The following ZDHHC21 variants were observed in gnomAD, a reference collection of about 807,000 sequenced individuals.
ZDHHC21 encodes the protein zDHHC palmitoyltransferase 21.
Under a neutral mutation model 34.6 loss-of-function variants are expected in ZDHHC21, and 15 were observed. That is an observed-to-expected ratio of 0.43 (90% CI 0.29 to 0.67). ZDHHC21 has a LOEUF of 0.67. Ranked by LOEUF, ZDHHC21 falls within the 30% of genes least tolerant of loss-of-function variation. The probability of loss-of-function intolerance (pLI) is 0.14; values close to 1 mark genes in which losing one functional copy is unlikely to be tolerated. For missense variants in ZDHHC21, 344 were observed against 327.7 expected (o/e 1.05, Z -0.38); for synonymous variants, 142 against 101.8 (o/e 1.40, Z -2.38).
At chr9:14,674,065 T>C (rs1286615053) in intron 4 of ZDHHC21, 122 bp downstream of exon 4, 2 of 529,988 alleles carry the variant, frequency 3.8e-6, no homozygotes, top group Non-Finnish European at 6.1e-6. Flanking sequence ...TAACTGAATA[T>C]TGACAGCACT....
chr9:14,688,226 G>C (rs1032711502), intron 2 of ZDHHC21, among the ~76,000 whole-genome samples: 4 of 150,824 alleles, frequency 2.7e-5, no homozygotes, highest in Non-Finnish European at 4.4e-5. Context: ...CTGTAAAATG[G>C]AGATAAAAAT....
chr9:14,672,032 T>C (rs1835551854), intron 5 of ZDHHC21, among the ~76,000 whole-genome samples: 2 of 152,156 alleles, frequency 1.3e-5, no homozygotes, highest in Non-Finnish European at 2.9e-5. Context: ...AATCTTCTCA[T>C]GGGAAAATGG....
downstream of ZDHHC21, among the ~76,000 whole-genome samples, chr9:14,609,954 G>A (rs1368685211): frequency 1.3e-5 from 2 of 152,032 alleles, no homozygotes; most frequent in Admixed American, 6.6e-5. Context: ...GGTCTAATGC[G>A]AAGCAGTATG....
At chr9:14,638,296 T>C (rs1253631039) in intron 8 of ZDHHC21, among the ~76,000 whole-genome samples, 2 of 151,998 alleles carry the variant, frequency 1.3e-5, no homozygotes, top group South Asian at 2.1e-4. Flanking sequence ...AAACAGTCTT[T>C]TGAATACATG....
chr9:14,664,020 T>A (rs750488273), intron 5 of ZDHHC21, among the ~76,000 whole-genome samples: 74 of 152,134 alleles, frequency 4.9e-4, no homozygotes, highest in Non-Finnish European at 9.3e-4. Context: ...GATGGCCGAA[T>A]AGGAACAGCT....
chr9:14,647,811 CTCTTT>C (rs1334748653), intron 7 of ZDHHC21, among the ~76,000 whole-genome samples: 1 of 152,108 alleles, frequency 6.6e-6, no homozygotes, highest in African/African-American at 2.4e-5. Flanking sequence ...GTCTTCAGAA[CTCTTT>C]TCTTTTCTAT....
At chr9:14,591,348 G>C in the ZDHHC21 span, among the ~76,000 whole-genome samples, 7 of 152,180 alleles carry the variant, frequency 4.6e-5, no homozygotes, top group African/African-American at 1.7e-4. Flanking sequence ...TTAGAGGATT[G>C]AGGGAGTAAA....
In ZDHHC21 at chr9:14,674,309, G is replaced by T; in HGVS notation, c.32C>A (p.Pro11Gln). 1 of 1,595,182 alleles carries T rather than the reference G, an allele frequency of 6.3e-7. No individual in the cohort carries two copies. The highest frequency in any genetic ancestry group is 1.2e-5 in the South Asian group (1 of 86,764). Residue 11 changes from proline (P) to glutamine (Q), a missense_variant, in exon 4 of 10, where the codon CCA becomes CAA. Coordinates refer to ENST00000380916, the MANE Select transcript of ZDHHC21 (RefSeq NM_178566.6). ...CAAACCCATGCAGCACCAACCATGT[G>T]GGTCAACAACAAAGTGAATCCGGAG... MGLRIHFVVDPHGWCCMGLIV... is the reference protein window; with the variant it reads MGLRIHFVVDQHGWCCMGLIV...
At chr9:14,664,157 G>A (rs1191495978) in intron 5 of ZDHHC21, among the ~76,000 whole-genome samples, 5 of 152,104 alleles carry the variant, frequency 3.3e-5, no homozygotes, top group African/African-American at 7.2e-5. Flanking sequence ...TGCGCGCACC[G>A]TGCGCGAGCC....
Position 14,693,364 on chromosome 9 carries a change from G to A in ZDHHC21, c.-360C>T, listed in dbSNP as rs1176982814. Reference sequence around the variant, plus strand: ...GGCCGCTCTCCCCTTCCGCTTCCGGGAGCCTGAGGGCCTGGACCGGCCGAG... The same window carrying A: ...GGCCGCTCTCCCCTTCCGCTTCCGGAAGCCTGAGGGCCTGGACCGGCCGAG... On this transcript the variant is annotated 5_prime_UTR_variant, in exon 1 of 10. Coordinates refer to ENST00000380916, the MANE Select transcript of ZDHHC21 (RefSeq NM_178566.6). 3 of 400,368 alleles carry A rather than the reference G, an allele frequency of 7.5e-6. No homozygotes were observed. The highest frequency in any genetic ancestry group is 1.5e-5 in the Non-Finnish European group (3 of 204,142). 24.8% of individuals were successfully genotyped at this position (400,368 alleles called of 1,614,324 possible). A position where few individuals can be genotyped will look rare whatever the true frequency, so the allele number is the denominator to read the frequency against.
chr9:14,593,842 A>C, the ZDHHC21 span: 1 of 152,618 alleles, frequency 6.6e-6, no homozygotes, highest in Admixed American at 6.5e-5. Context: ...GGTGAAGGGC[A>C]AGTGCTTCTA....
rs1376319120 is a variant in ZDHHC21, at chr9:14,693,288, C to T, written c.-284G>A. ...CTCCCGACCGCCAGCAGCTCTTTCC[C>T]CTCCTCCTGCCGCGCCACCTCCGCC... is the stretch of plus-strand genomic sequence containing the variant. On this transcript the variant is annotated 5_prime_UTR_variant, in exon 1 of 10. Coordinates refer to ENST00000380916, the MANE Select transcript of ZDHHC21 (RefSeq NM_178566.6). 1 of 419,422 alleles carries T rather than the reference C, an allele frequency of 2.4e-6. No individual in the cohort carries two copies. Among genetic ancestry groups the T allele is most frequent in the Non-Finnish European group, 4.7e-6 (1 of 212,690 alleles). 26.0% of individuals were successfully genotyped at this position (419,422 alleles called of 1,614,324 possible). A position where few individuals can be genotyped will look rare whatever the true frequency, so the allele number is the denominator to read the frequency against.
In ZDHHC21 at chr9:14,625,507, C is replaced by T. The variant is rs752823832; in HGVS notation, c.622-5825G>A. 1.2e-4 allele frequency among the ~76,000 whole-genome samples: 18 copies of T among 152,088 alleles called. No individual in the cohort carries two copies. The Middle Eastern group carries it at 0.014, about 115-fold the overall frequency. ...TGACTGTATAATCTAAAGAAAATTG[C>T]TAAAACTCTATACCTCCATTTCCAA... is the stretch of plus-strand genomic sequence containing the variant. On this transcript the variant is annotated intron_variant, in intron 8 of 9. Coordinates refer to ENST00000380916, the MANE Select transcript of ZDHHC21 (RefSeq NM_178566.6).
chr9:14,603,870 T>C, the ZDHHC21 span, among the ~76,000 whole-genome samples: 3 of 152,168 alleles, frequency 2.0e-5, no homozygotes, highest in African/African-American at 4.8e-5. Flanking sequence ...AAGAGCATAA[T>C]TTTTTATTCA....
intron 5 of ZDHHC21, among the ~76,000 whole-genome samples, chr9:14,664,795 T>A (rs1315641598): frequency 6.6e-6 from 1 of 150,674 alleles, no homozygotes; most frequent in Admixed American, 6.6e-5. Context: ...GTCCTGTCTG[T>A]TAGAAGGAAA....
rs1823846366 is a variant in ZDHHC21, at chr9:14,614,455, T to A, written c.*4511A>T. 6.6e-6 allele frequency: 1 copy of A among 151,652 alleles called. No homozygotes were observed. The highest frequency in any genetic ancestry group is 1.5e-5 in the Non-Finnish European group (1 of 67,732). 9.4% of individuals were successfully genotyped at this position (151,652 alleles called of 1,614,324 possible). A position where few individuals can be genotyped will look rare whatever the true frequency, so the allele number is the denominator to read the frequency against. ...AAGTCACTTTCCTGAAGTTAAACCA[T>A]CATCATCTCAAAAGGAGCAGAAATG... is the stretch of plus-strand genomic sequence containing the variant. On this transcript the variant is annotated 3_prime_UTR_variant, in exon 10 of 10. Transcript: ENST00000380916.
the ZDHHC21 span, among the ~76,000 whole-genome samples, chr9:14,594,792 G>C: frequency 1.3e-5 from 2 of 152,122 alleles, no homozygotes; most frequent in Non-Finnish European, 2.9e-5. Flanking sequence ...TCATATATCT[G>C]ATAAAGTCCT....
At chr9:14,682,971 G>C (rs917843408) in intron 2 of ZDHHC21, among the ~76,000 whole-genome samples, 4 of 152,166 alleles carry the variant, frequency 2.6e-5, no homozygotes, top group African/African-American at 7.2e-5. Context: ...CAGAAATAAA[G>C]ATGTTATTTG....
chr9:14,603,211 G>C, the ZDHHC21 span, among the ~76,000 whole-genome samples: 2 of 151,860 alleles, frequency 1.3e-5, no homozygotes, highest in African/African-American at 4.8e-5. Flanking sequence ...TCAATAAAGT[G>C]AACTTTAAAA....
Sources: allele counts gnomAD v4.1 joint callset (sites outside exome capture counted in the v4.1 genomes callset), GRCh38; gene constraint gnomAD v4.1.1; transcripts MANE v1.5; gene names NCBI Gene and HGNC (gene_info 2026-07-23, HGNC 2026-07-21).